Variants in RP2 observed in about 807,000 individuals in gnomAD.
RP2 encodes the protein RP2 activator of ARL3 GTPase, also known as protein XRP2.
In RP2, 3 loss-of-function variants were observed where a neutral mutation model predicts 20.3. The observed-to-expected ratio is 0.15, with a 90% CI of 0.07 to 0.38. The LOEUF (loss-of-function observed/expected upper bound fraction) is 0.38, where lower values mean the gene tolerates loss of function less well. Among genes scored for constraint, RP2 ranks in the 10% least tolerant of loss-of-function variants. The pLI, the probability that RP2 is intolerant of heterozygous loss-of-function variation, is 1.00. For missense variants in RP2, 233 were observed against 268.5 expected, an observed-to-expected ratio of 0.87 and a Z score of 0.92; for synonymous variants, 75 against 94.8, an observed-to-expected ratio of 0.79 and a Z score of 1.22.
At chrX:46,841,225 TCAGA>T (rs1444613611) in intron 1 of RP2, among the ~76,000 whole-genome samples, 7 of 111,538 alleles carry the variant, frequency 6.3e-5, no homozygotes, top group African/African-American at 6.5e-5. Flanking sequence ...GTCAAAATTG[TCAGA>T]CAGTTAGGGT....
Position 46,854,000 on chromosome X carries a change from T to A in RP2, c.627T>A (p.Ala209=). 2 of 1,211,960 alleles carry A rather than the reference T, an allele frequency of 1.7e-6. No homozygotes were observed. ...VPIPTTEELK[A]VRVSTEANRS... ...TACCTACTACCGAAGAGCTCAAAGC[T>A]GTTCGTGTTTCCACAGAAGCCAATA... Residue 209 remains alanine (A), a synonymous_variant, in exon 2 of 5, where the codon GCT becomes GCA. Transcript: ENST00000218340.
rs1048341417 is a variant in RP2, at chrX:46,854,011, C to T, written c.638C>T (p.Ser213Phe). The T allele has an allele frequency of 8.3e-7, 1 of 1,211,757 alleles. No homozygotes were observed. The highest frequency in any genetic ancestry group is 1.7e-5 in the African/African-American group (1 of 57,830). The change falls in exon 2 of 5, where the codon TCC (serine) becomes TTC (phenylalanine). Residue 213 changes from serine (S) to phenylalanine (F), a missense_variant. By Grantham distance (155) the Ser-to-Phe change is radical. This residue lies in a region of RP2 where 118 missense variants were observed against 123.8 expected (regional missense o/e 0.95). Transcript: ENST00000218340. The stretch of plus-strand genomic sequence containing the variant: ...GAAGAGCTCAAAGCTGTTCGTGTTT[C>T]CACAGAAGCCAATAGAAGCATTGTT... ...TTEELKAVRV[S>F]TEANRSIVPI...
chrX:46,844,144 G>A (rs1924670841), intron 1 of RP2, among the ~76,000 whole-genome samples: 1 of 111,231 alleles, frequency 9.0e-6, no homozygotes, highest in Non-Finnish European at 1.9e-5. Flanking sequence ...TTTGACCCTG[G>A]TACTCTACAA....
At chrX:46,870,838 T>C (rs1163319818) in intron 3 of RP2, among the ~76,000 whole-genome samples, 1 of 111,340 alleles carries the variant, frequency 9.0e-6, no homozygotes. Context: ...GATCTGCATA[T>C]AATGAGGATT....
chrX:46,869,876 T>G (rs1425651925), intron 3 of RP2, among the ~76,000 whole-genome samples: 2 of 111,901 alleles, frequency 1.8e-5, no homozygotes, highest in Non-Finnish European at 3.8e-5. Context: ...CCCAAAGTGC[T>G]GGGATTACAG....
chrX:46,879,073 A>AC (rs1556328218), intron 4 of RP2, among the ~76,000 whole-genome samples: 1 of 97,115 alleles, frequency 1.0e-5, no homozygotes, highest in Non-Finnish European at 2.1e-5. Context: ...AAAAAAAAAA[A>AC]AAAAAAAAAA....
chrX:46,864,411 A>G (rs73630241), intron 3 of RP2, among the ~76,000 whole-genome samples: 2,065 of 103,354 alleles, frequency 0.02, 53 homozygotes, highest in African/African-American at 0.068. Context: ...CAGTGCTGCA[A>G]TCTCGGCTCA....
At chrX:46,878,237 C>A (rs1045747803) in intron 4 of RP2, among the ~76,000 whole-genome samples, 1 of 109,250 alleles carries the variant, frequency 9.2e-6, no homozygotes, top group African/African-American at 3.3e-5. Context: ...ATTAGCCGGG[C>A]GTAGTGGCGG....
chrX:46,841,623 G>GT (rs1386233936), intron 1 of RP2, among the ~76,000 whole-genome samples: 2 of 111,708 alleles, frequency 1.8e-5, no homozygotes, highest in Non-Finnish European at 3.8e-5. Flanking sequence ...AAGCTGCATG[G>GT]TTTTTTTCTA....
chrX:46,871,021 CTTTTTTTTTT>C (rs58549261), intron 3 of RP2, among the ~76,000 whole-genome samples: 4 of 77,377 alleles, frequency 5.2e-5, no homozygotes, highest in Admixed American at 1.4e-4. Flanking sequence ...ACGCTCATTC[CTTTTTTTTTT>C]TTTTTTTTTT....
At chrX:46,878,215 A>G (rs1178256314) in intron 4 of RP2, among the ~76,000 whole-genome samples, 4 of 109,753 alleles carry the variant, frequency 3.6e-5, no homozygotes, top group Non-Finnish European at 5.7e-5. Context: ...TCTACTAAAA[A>G]TACAAAAAAA....
chrX:46,878,051 C>CA (rs1485704873), intron 4 of RP2, among the ~76,000 whole-genome samples: 1 of 110,705 alleles, frequency 9.0e-6, no homozygotes, highest in African/African-American at 3.3e-5. Flanking sequence ...AATGCTTCAC[C>CA]AAAAATTGAA....
At chrX:46,847,814 A>ATATATGTG (rs782554043) in intron 1 of RP2, among the ~76,000 whole-genome samples, 1 of 93,869 alleles carries the variant, frequency 1.1e-5, no homozygotes, top group African/African-American at 4.0e-5. Flanking sequence ...ATATACACAC[A>ATATATGTG]TATATGTGTA....
intron 3 of RP2, among the ~76,000 whole-genome samples, chrX:46,860,683 G>A (rs1556319982): frequency 9.0e-6 from 1 of 111,507 alleles, no homozygotes; most frequent in Non-Finnish European, 1.9e-5. Flanking sequence ...CTGCCTACCT[G>A]TATTTGAAGG....
rs2147088774 is a variant in RP2 at position 46,875,535 on chromosome X, T to C, written c.884-1970T>C. ...TTTTGTTTCTCTCTTCTTTTTTTAT[T>C]TTCCTTAAAAATATCTGGTAGTAAG... On this transcript the variant is annotated intron_variant, in intron 3 of 4. Transcript: ENST00000218340. Among the ~76,000 whole-genome samples, 4 of 111,555 alleles carry C rather than the reference T, an allele frequency of 3.6e-5. No homozygotes were observed. The Admixed American group carries it at 3.8e-4, about 11-fold the overall frequency.
intron 2 of RP2, among the ~76,000 whole-genome samples, chrX:46,857,802 G>A (rs1277992866): frequency 1.8e-5 from 2 of 111,901 alleles, no homozygotes; most frequent in African/African-American, 6.5e-5. Context: ...TTATTTTGAA[G>A]TAATCATCAT....
At chrX:46,851,270 T>A (rs1452860925) in intron 1 of RP2, among the ~76,000 whole-genome samples, 1 of 111,675 alleles carries the variant, frequency 9.0e-6, no homozygotes, top group Admixed American at 9.6e-5. Context: ...AAAATAGGCT[T>A]TTAGTGACCA....
At chrX:46,842,015 C>T (rs1299314220) in intron 1 of RP2, among the ~76,000 whole-genome samples, 2 of 111,828 alleles carry the variant, frequency 1.8e-5, no homozygotes, top group Non-Finnish European at 3.8e-5. Context: ...TGGATTCAAG[C>T]GATTCTCTCA....
In RP2 at chrX:46,881,816, TAAC is replaced by T. The variant is rs1332713516; in HGVS notation, c.*2050_*2052del. 5.4e-5 allele frequency: 6 copies of T among 111,830 alleles called. No individual in the cohort carries two copies. The highest frequency in any genetic ancestry group is 9.6e-5 in the Admixed American group (1 of 10,418). The allele number at this position is 111,830 out of a possible 1,213,427, so 9.2% of individuals were successfully genotyped here. On this transcript the variant is annotated 3_prime_UTR_variant, in exon 5 of 5. Transcript: ENST00000218340. ...ACACCATTATTCACATTTCAAATAA[TAAC>T]AATACTTTTTGTTTTTCAAAAATAA...
Sources: allele counts gnomAD v4.1 joint callset (sites outside exome capture counted in the v4.1 genomes callset), GRCh38; gene constraint gnomAD v4.1.1; regional missense constraint gnomAD v4.1.1; transcripts MANE v1.5; gene names NCBI Gene and HGNC (gene_info 2026-07-23, HGNC 2026-07-21).